The following PCDHGB6 variants were observed in gnomAD, a reference collection of about 807,000 sequenced individuals.
PCDHGB6 encodes protocadherin gamma subfamily B, 6.
PCDHGB6 carries 51 observed loss-of-function variants against 59.1 expected under a neutral mutation model. The observed-to-expected ratio is 0.86, with a 90% CI of 0.69 to 1.09. PCDHGB6 has a LOEUF of 1.09. Ranked by LOEUF, PCDHGB6 falls within the 50% of genes least tolerant of loss-of-function variation. The probability of loss-of-function intolerance (pLI) is 0.00; values close to 1 mark genes in which losing one functional copy is unlikely to be tolerated. For synonymous variants in PCDHGB6, 466 were observed against 495.1 expected (o/e 0.94, Z 0.78); for missense variants, 1,148 against 1,205.1 (o/e 0.95, Z 0.70).
At chr5:141,418,065 G>T in intron 1 of PCDHGB6, 1 of 1,614,064 alleles carries the variant, frequency 6.2e-7, no homozygotes, top group East Asian at 2.2e-5. Context: ...CTGCGAGTGA[G>T]CGCGGAGAAG....
chr5:141,413,051 C>T (rs1316813444), intron 1 of PCDHGB6: 1 of 952,822 alleles, frequency 1.0e-6, no homozygotes, highest in African/African-American at 1.7e-5. Context: ...TGCAGGGAAG[C>T]TCACTCCAGA....
intron 1 of PCDHGB6, among the ~76,000 whole-genome samples, chr5:141,446,621 C>G (rs1284919173): frequency 6.6e-6 from 1 of 152,094 alleles, no homozygotes; most frequent in African/African-American, 2.4e-5. Context: ...GGACTACAGG[C>G]GTGCACCACC....
intron 1 of PCDHGB6, chr5:141,478,523 G>A: frequency 1.2e-6 from 2 of 1,609,908 alleles, no homozygotes; most frequent in Non-Finnish European, 1.7e-6. Flanking sequence ...GGTGTTGGGT[G>A]CAGAGAGCGC....
At chr5:141,426,507 C>G in intron 1 of PCDHGB6, 1 of 342,512 alleles carries the variant, frequency 2.9e-6, no homozygotes, top group Non-Finnish European at 5.8e-6. Context: ...AGAAACAATA[C>G]TTTACCGTGA....
At chr5:141,420,725 C>T (rs1468308275) in intron 1 of PCDHGB6, among the ~76,000 whole-genome samples, 1 of 152,188 alleles carries the variant, frequency 6.6e-6, no homozygotes, top group African/African-American at 2.4e-5. Flanking sequence ...TCCTTTCAGT[C>T]GGTTAAAATC....
At chr5:141,413,389 T>G in intron 1 of PCDHGB6, 1 of 1,613,986 alleles carries the variant, frequency 6.2e-7, no homozygotes, top group Non-Finnish European at 8.5e-7. Flanking sequence ...CCGCATAGTC[T>G]CCAGAGGTAG....
chr5:141,510,880 G>T (rs373993657), intron 3 of PCDHGB6, 67 bp from the exon 4 acceptor site: 1 of 1,611,902 alleles, frequency 6.2e-7, no homozygotes. Context: ...AACTGCTGGG[G>T]ATATAAGACA....
chr5:141,475,739 T>C (rs190533989), intron 1 of PCDHGB6, among the ~76,000 whole-genome samples: 593 of 152,384 alleles, frequency 3.9e-3, no homozygotes, highest in Non-Finnish European at 6.7e-3. Flanking sequence ...TTCCCTAAGG[T>C]AGGTTTCCTA....
At chr5:141,461,738 C>A (rs2099021378) in intron 1 of PCDHGB6, among the ~76,000 whole-genome samples, 1 of 150,904 alleles carries the variant, frequency 6.6e-6, no homozygotes. Flanking sequence ...TGGCACAATC[C>A]CGGCTCCCAG....
chr5:141,435,737 T>C (rs944951200), intron 1 of PCDHGB6, among the ~76,000 whole-genome samples: 1 of 152,202 alleles, frequency 6.6e-6, no homozygotes, highest in Non-Finnish European at 1.5e-5. Context: ...TATTACTCTT[T>C]GAAAAGCATT....
intron 3 of PCDHGB6, among the ~76,000 whole-genome samples, chr5:141,506,866 T>C (rs1182560001): frequency 2.6e-5 from 4 of 152,104 alleles, no homozygotes; most frequent in Admixed American, 2.6e-4. Context: ...GACTGGTGGG[T>C]AGAGAACCAG....
intron 1 of PCDHGB6, among the ~76,000 whole-genome samples, chr5:141,466,670 G>T (rs994949602): frequency 6.6e-6 from 1 of 152,046 alleles, no homozygotes; most frequent in Non-Finnish European, 1.5e-5. Flanking sequence ...TGATTTCACC[G>T]TTCTTCCACT....
intron 1 of PCDHGB6, chr5:141,430,789 C>A (rs2097310124): frequency 6.6e-7 from 1 of 1,515,808 alleles, no homozygotes; most frequent in Non-Finnish European, 8.8e-7. Context: ...ACCGGGACTA[C>A]AAAGGGCTTG....
intron 2 of PCDHGB6, among the ~76,000 whole-genome samples, chr5:141,502,857 ACT>A (rs1332453483): frequency 7.7e-5 from 7 of 91,446 alleles, no homozygotes; most frequent in African/African-American, 4.1e-4. Flanking sequence ...CCTAACCCTG[ACT>A]CTCTGTCTTT....
intron 1 of PCDHGB6, chr5:141,422,758 A>AAC (rs748292321): frequency 6.2e-7 from 1 of 1,613,150 alleles, no homozygotes. Flanking sequence ...TATTAACTCC[A>AAC]ACACTGGTGT....
In PCDHGB6 at chr5:141,491,091, A is replaced by T; in HGVS notation, c.2419-3716A>T. ...TGTTGCCACAGTCCACAGCCCCAGG[A>T]CTGTTCCTCGTGTCTACACACACTG... On this transcript the variant is annotated intron_variant, in intron 1 of 3. Transcript: ENST00000520790. This position sits in a 1 kb window ranked among gnomAD's most constrained non-coding sequence, Gnocchi z 6.9. The T allele has an allele frequency of 6.2e-7, 1 of 1,614,032 alleles. No individual in the cohort carries two copies. Among genetic ancestry groups the T allele is most frequent in the Non-Finnish European group, 8.5e-7 (1 of 1,180,000 alleles).
Position 141,477,354 on chromosome 5 carries a change from C to T in PCDHGB6, c.2419-17453C>T, listed in dbSNP as rs1164062950. On this transcript the variant is annotated intron_variant, in intron 1 of 3. Coordinates refer to ENST00000520790, the MANE Select transcript of PCDHGB6 (RefSeq NM_018926.3). This position sits in a 1 kb window ranked among gnomAD's most constrained non-coding sequence, Gnocchi z 4.9. ...AATTACTTCACTTTGAAAACCAGTG[C>T]AGACCTGGATCGGGAGACTGTGCCA... 14 of 1,614,202 alleles carry T rather than the reference C, an allele frequency of 8.7e-6. No homozygotes were observed. The highest frequency in any genetic ancestry group is 1.1e-5 in the Non-Finnish European group (13 of 1,180,036).
chr5:141,415,071 G>C (rs757356726), intron 1 of PCDHGB6: 5 of 1,613,422 alleles, frequency 3.1e-6, no homozygotes, highest in Non-Finnish European at 1.7e-6. Context: ...AGGTGCGCAC[G>C]GCGCGAGCCC....
At chr5:141,456,837 C>G (rs550771859) in intron 1 of PCDHGB6, among the ~76,000 whole-genome samples, 70 of 152,194 alleles carry the variant, frequency 4.6e-4, no homozygotes, top group Non-Finnish European at 8.2e-4. Context: ...GTAGTGGGCG[C>G]CTGTAATCCC....
Sources: allele counts gnomAD v4.1 joint callset (sites outside exome capture counted in the v4.1 genomes callset), GRCh38; gene constraint gnomAD v4.1.1; non-coding constraint Gnocchi (gnomAD v3.1); transcripts MANE v1.5; gene names NCBI Gene and HGNC (gene_info 2026-07-23, HGNC 2026-07-21).